Variants in ZNF169 observed in about 807,000 individuals in gnomAD.
ZNF169 encodes the protein zinc finger protein 169.
A neutral mutation model predicts 12.0 loss-of-function variants in ZNF169; 11 were observed. The ratio of observed to expected loss-of-function variants is 0.92; its 90% confidence interval spans 0.58 to 1.52. ZNF169 has a LOEUF of 1.52. Ranked by LOEUF, ZNF169 falls within the 40% of genes most tolerant of loss-of-function variation. The pLI is 0.00. For synonymous variants in ZNF169, 302 were observed against 286.5 expected (o/e 1.05, Z -0.55); for missense variants, 722 against 744.0 (o/e 0.97, Z 0.34).
At chr9:94,295,400 T>G (rs1564092374) in intron 4 of ZNF169, 1 of 152,202 alleles carries the variant, frequency 6.6e-6, no homozygotes, top group Non-Finnish European at 1.5e-5. Flanking sequence ...ATAAGATATG[T>G]TTTTTAAGGT....
At position 94,301,160 on chromosome 9, in the gene ZNF169, G is replaced by A. The variant is rs1831066126; in HGVS notation, c.1602G>A (p.Arg534=). The change falls in exon 5 of 5, where the codon AGG becomes AGA. Residue 534 remains arginine (R), a synonymous_variant. Coordinates refer to ENST00000395395, the MANE Select transcript of ZNF169 (RefSeq NM_194320.4). ...GQKSHLISDQ[R]THSGEKPCIC... is the part of the protein sequence containing the mutation. ...AGTCACACCTTATCTCTGACCAAAG[G>A]ACACACTCAGGAGAGAAGCCCTGCA... 1 of 1,613,666 alleles carries A rather than the reference G, an allele frequency of 6.2e-7. No homozygotes were observed.
chr9:94,287,823 C>T lies in ZNF169; in HGVS notation c.34-4518C>T. 6 of 1,120,838 alleles carry T rather than the reference C, an allele frequency of 5.4e-6. No individual in the cohort carries two copies. In the South Asian group the frequency reaches 7.4e-5, roughly 14 times the overall value. The allele number at this position is 1,120,838 out of a possible 1,614,324, so 69.4% of individuals were successfully genotyped here. A position where few individuals can be genotyped will look rare whatever the true frequency, so the allele number is the denominator to read the frequency against. On this transcript the variant is annotated intron_variant, in intron 2 of 4. Transcript: ENST00000395395. ...TAGGGTTTGATTGTATCCTAAACCTCTCAGGCTGGAGTTGTTCATTTTAGC... is the reference window on the plus strand; with the variant it reads ...TAGGGTTTGATTGTATCCTAAACCTTTCAGGCTGGAGTTGTTCATTTTAGC...
chr9:94,262,023 T>C (rs1166011911), intron 1 of ZNF169, among the ~76,000 whole-genome samples: 1 of 152,258 alleles, frequency 6.6e-6, no homozygotes, highest in Non-Finnish European at 1.5e-5. Flanking sequence ...TCACTACAGA[T>C]ATTTGTCCAC....
chr9:94,273,619 G>A (rs1241945805), intron 1 of ZNF169, among the ~76,000 whole-genome samples: 9 of 124,660 alleles, frequency 7.2e-5, no homozygotes, highest in Non-Finnish European at 1.1e-4. Context: ...TTGCTCTGTC[G>A]CCCAGGCTGG....
intron 1 of ZNF169, among the ~76,000 whole-genome samples, chr9:94,273,575 C>CTTTTTTTTTT (rs768421966): frequency 9.1e-5 from 10 of 109,958 alleles, no homozygotes; most frequent in Non-Finnish European, 1.3e-4. Context: ...AACTTTCTTT[C>CTTTTTTTTTT]TTTCTTTTTT....
intron 2 of ZNF169, chr9:94,288,184 T>G (rs1014625464): frequency 8.6e-6 from 7 of 811,778 alleles, no homozygotes; most frequent in African/African-American, 3.4e-5. Flanking sequence ...CCCAGGTTAA[T>G]GTGCTCCTAC....
chr9:94,260,069 G>T (rs370302237), intron 1 of ZNF169, among the ~76,000 whole-genome samples: 16 of 150,426 alleles, frequency 1.1e-4, no homozygotes, highest in East Asian at 5.9e-4. Flanking sequence ...CCGCCACCAC[G>T]CCCGGCTAAT....
At position 94,301,471 on chromosome 9, in the gene ZNF169, C is replaced by T. The variant is rs2118683543; in HGVS notation, c.*101C>T. ...AAAAAAAAATGTTGCTTTCTTTCAT[C>T]GATCATGAGATAGTTGATTTTTGGT... On this transcript the variant is annotated 3_prime_UTR_variant, in exon 5 of 5. Transcript: ENST00000395395. 2.8e-6 allele frequency: 4 copies of T among 1,446,468 alleles called. No homozygotes were observed. The highest frequency in any genetic ancestry group is 1.5e-5 in the South Asian group (1 of 65,256). The allele number at this position is 1,446,468 out of a possible 1,614,324, so 89.6% of individuals were successfully genotyped here. A position where few individuals can be genotyped will look rare whatever the true frequency, so the allele number is the denominator to read the frequency against.
chr9:94,262,568 C>T (rs1830223486), intron 1 of ZNF169, among the ~76,000 whole-genome samples: 2 of 151,734 alleles, frequency 1.3e-5, no homozygotes, highest in Non-Finnish European at 3.0e-5. Context: ...AAGCGATTCT[C>T]CTGCCTCAAC....
intron 1 of ZNF169, among the ~76,000 whole-genome samples, chr9:94,263,713 C>G (rs958302556): frequency 5.3e-5 from 8 of 151,832 alleles, no homozygotes; most frequent in Non-Finnish European, 1.0e-4. Context: ...AATTGGAATG[C>G]GTATTTCATG....
chr9:94,300,174 A>G lies in ZNF169; in HGVS notation c.616A>G (p.Thr206Ala). ...AGACACAATGTTGAAGGGAGCAGACACTTCAGAATCTGGAGCAGTCATACG... is the reference window on the plus strand; with the variant it reads ...AGACACAATGTTGAAGGGAGCAGACGCTTCAGAATCTGGAGCAGTCATACG... ...GSDTMLKGAD[T>A]SESGAVIRGN... The change falls in exon 5 of 5, where the codon ACT becomes GCT. Residue 206 changes from threonine (T) to alanine (A), a missense_variant. By Grantham distance (58) the Thr-to-Ala change is moderately conservative (BLOSUM62 0). Coordinates refer to ENST00000395395, the MANE Select transcript of ZNF169 (RefSeq NM_194320.4). The G allele has an allele frequency of 6.2e-7, 1 of 1,614,170 alleles. No homozygotes were observed. Among genetic ancestry groups the G allele is most frequent in the South Asian group, 1.1e-5 (1 of 91,086 alleles).
intron 4 of ZNF169, among the ~76,000 whole-genome samples, chr9:94,298,028 C>T (rs1436145558): frequency 1.3e-5 from 2 of 151,754 alleles, no homozygotes; most frequent in African/African-American, 2.4e-5. Flanking sequence ...ATTAGCCAGG[C>T]GTAGTAGGTG....
chr9:94,282,489 C>A (rs938375835), intron 2 of ZNF169, among the ~76,000 whole-genome samples: 3 of 152,118 alleles, frequency 2.0e-5, no homozygotes, highest in Non-Finnish European at 4.4e-5. Context: ...GTTACAGATA[C>A]GTGAGAGGGA....
Position 94,301,095 on chromosome 9 carries a change from C to T in ZNF169, c.1537C>T (p.Leu513Phe). 6.2e-7 allele frequency: 1 copy of T among 1,614,180 alleles called. No homozygotes were observed. The highest frequency in any genetic ancestry group is 8.5e-7 in the Non-Finnish European group (1 of 1,180,026). Reference protein sequence around the residue: ...RHQRTHSEEELYVDRVCGQGL... With the variant: ...RHQRTHSEEEFYVDRVCGQGL... The stretch of plus-strand genomic sequence containing the variant: ...CCAGAGGACACACTCAGAGGAGGAG[C>T]TTTACGTAGACAGGGTGTGTGGACA... The change falls in exon 5 of 5, where the codon CTT (leucine) becomes TTT (phenylalanine). Residue 513 changes from leucine (L) to phenylalanine (F), a missense_variant. Coordinates refer to ENST00000395395, the MANE Select transcript of ZNF169 (RefSeq NM_194320.4).
intron 1 of ZNF169, among the ~76,000 whole-genome samples, chr9:94,262,527 C>T (rs1447231176): frequency 2.0e-5 from 3 of 152,022 alleles, no homozygotes; most frequent in Non-Finnish European, 4.4e-5. Context: ...GGTGCGATCT[C>T]GGCTCACTGC....
chr9:94,277,081 C>T (rs1210770573), intron 1 of ZNF169, among the ~76,000 whole-genome samples: 1 of 152,046 alleles, frequency 6.6e-6, no homozygotes, highest in African/African-American at 2.4e-5. Context: ...TTAAGAAATA[C>T]GTTGGTTTGG....
intron 1 of ZNF169, among the ~76,000 whole-genome samples, chr9:94,262,075 T>C (rs1212456410): frequency 6.6e-6 from 1 of 152,226 alleles, no homozygotes; most frequent in Non-Finnish European, 1.5e-5. Flanking sequence ...ATTACTTCCA[T>C]TGTCCTTTTT....
intron 1 of ZNF169, among the ~76,000 whole-genome samples, chr9:94,264,461 G>A (rs1182620475): frequency 6.6e-6 from 1 of 152,112 alleles, no homozygotes; most frequent in Non-Finnish European, 1.5e-5. Context: ...GAAATTAGGA[G>A]AAAAAAGAAA....
intron 4 of ZNF169, 69 bp downstream of exon 4, chr9:94,293,138 G>A: frequency 7.1e-7 from 1 of 1,398,752 alleles, no homozygotes; most frequent in Non-Finnish European, 1.0e-6. Flanking sequence ...GGAAGGAGGG[G>A]CTATCTTTGA....
Sources: gnomAD v4.1 joint callset for allele counts (sites outside exome capture counted in the v4.1 genomes callset) on GRCh38, gnomAD v4.1.1 for gene constraint, MANE v1.5 for transcripts, NCBI Gene and HGNC (gene_info 2026-07-23, HGNC 2026-07-21) for gene names.